GPC3: variants seen among roughly 807,000 people sequenced by gnomAD.
GPC3 encodes glypican-3.
In GPC3, 3 loss-of-function variants were observed where a neutral mutation model predicts 34.4. That is an observed-to-expected ratio of 0.09 (90% CI 0.04 to 0.23). The LOEUF (loss-of-function observed/expected upper bound fraction) is 0.23, where lower values mean the gene tolerates loss of function less well. Ranked by LOEUF, GPC3 falls within the 10% of genes least tolerant of loss-of-function variation. The probability of loss-of-function intolerance (pLI) is 1.00; values close to 1 mark genes in which losing one functional copy is unlikely to be tolerated. For synonymous variants in GPC3, 177 were observed against 174.0 expected (o/e 1.02, Z -0.13); for missense variants, 351 against 445.6 (o/e 0.79, Z 1.91).
intron 6 of GPC3, among the ~76,000 whole-genome samples, chrX:133,623,412 C>A (rs1187959007): frequency 1.8e-5 from 2 of 111,506 alleles, no homozygotes; most frequent in Non-Finnish European, 3.8e-5. Flanking sequence ...ATTCAGGAGA[C>A]CCATCTCACG....
intron 2 of GPC3, among the ~76,000 whole-genome samples, chrX:133,919,134 C>T (rs1007381250): frequency 9.0e-6 from 1 of 111,033 alleles, no homozygotes; most frequent in Non-Finnish European, 1.9e-5. Flanking sequence ...ACCCTTTTGC[C>T]TCCATTGCAC....
In GPC3 at chrX:133,764,982, C is replaced by T. The variant is rs192854809; in HGVS notation, c.338-10806G>A. Among the ~76,000 whole-genome samples, 98 of 111,819 alleles carry T rather than the reference C, an allele frequency of 8.8e-4. 1 individual carries two copies. The highest frequency in any genetic ancestry group is 1.6e-3 in the Non-Finnish European group (85 of 53,082). On this transcript the variant is annotated intron_variant, in intron 2 of 7. Coordinates refer to ENST00000370818, the MANE Select transcript of GPC3 (RefSeq NM_004484.4). Reference sequence around the variant, plus strand: ...CCTACGAAGAAGTATCAGGATCACACTCTTAGATTTTTTAGTTCATTCTTT... The same window carrying T: ...CCTACGAAGAAGTATCAGGATCACATTCTTAGATTTTTTAGTTCATTCTTT...
intron 5 of GPC3, among the ~76,000 whole-genome samples, chrX:133,688,659 T>C (rs2071032577): frequency 9.0e-6 from 1 of 111,445 alleles, no homozygotes; most frequent in Non-Finnish European, 1.9e-5. Context: ...TCAGGATCCT[T>C]GATTTTCATA....
rs754696957 is a variant in GPC3, at chrX:133,638,630, G to A, written c.1413+23100C>T. On this transcript the variant is annotated intron_variant, in intron 6 of 7. Transcript: ENST00000370818. ...ATATGAATGCCTTGCCTCAAATTTA[G>A]TTGTGGATCCCCAAAGAACAGATGC... is the stretch of plus-strand genomic sequence containing the variant. Among the ~76,000 whole-genome samples, 5 of 111,484 alleles carry A rather than the reference G, an allele frequency of 4.5e-5. No homozygotes were observed. In the East Asian group the frequency reaches 1.4e-3, roughly 31 times the overall value.
intron 2 of GPC3, among the ~76,000 whole-genome samples, chrX:133,895,553 A>T (rs911649990): frequency 9.0e-6 from 1 of 111,624 alleles, no homozygotes; most frequent in Non-Finnish European, 1.9e-5. Flanking sequence ...GGCTGGTAGC[A>T]GGGCCCTGAT....
At chrX:133,542,828 A>G (rs1043927748) in intron 7 of GPC3, among the ~76,000 whole-genome samples, 7 of 111,899 alleles carry the variant, frequency 6.3e-5, no homozygotes, top group Non-Finnish European at 1.1e-4. Context: ...CTGTTCCCAC[A>G]GGAGCCACTG....
At chrX:133,875,635 A>G (rs1262675271) in intron 2 of GPC3, among the ~76,000 whole-genome samples, 1 of 111,023 alleles carries the variant, frequency 9.0e-6, no homozygotes, top group Non-Finnish European at 1.9e-5. Context: ...CCTCCCCACC[A>G]TCCAGGCTCA....
intron 6 of GPC3, among the ~76,000 whole-genome samples, chrX:133,630,656 C>T (rs909639814): frequency 1.8e-5 from 2 of 111,374 alleles, no homozygotes; most frequent in African/African-American, 6.5e-5. Flanking sequence ...CCAGGCAGGC[C>T]GAATATTTGG....
At chrX:133,819,541 T>C (rs1399491118) in intron 2 of GPC3, among the ~76,000 whole-genome samples, 1 of 111,023 alleles carries the variant, frequency 9.0e-6, no homozygotes, top group Non-Finnish European at 1.9e-5. Context: ...GTATAATAGA[T>C]GACATTTGAG....
intron 2 of GPC3, among the ~76,000 whole-genome samples, chrX:133,828,745 G>T (rs1361879992): frequency 2.7e-5 from 3 of 110,478 alleles, no homozygotes; most frequent in Admixed American, 9.7e-5. Flanking sequence ...ATAGGAGAAA[G>T]AACTTTTTGA....
chrX:133,578,140 A>C (rs2069703688), intron 7 of GPC3, among the ~76,000 whole-genome samples: 1 of 111,812 alleles, frequency 8.9e-6, no homozygotes, highest in Admixed American at 9.5e-5. Flanking sequence ...CCCTATCATT[A>C]CCTCCTCCAT....
chrX:133,877,738 TA>T (rs747737428), intron 2 of GPC3, among the ~76,000 whole-genome samples: 5 of 112,026 alleles, frequency 4.5e-5, no homozygotes, highest in African/African-American at 1.6e-4. Flanking sequence ...TATACAGCCA[TA>T]AAAAAATAGG....
intron 5 of GPC3, among the ~76,000 whole-genome samples, chrX:133,690,745 C>T (rs2071053518): frequency 9.0e-6 from 1 of 111,603 alleles, no homozygotes; most frequent in Admixed American, 9.5e-5. Flanking sequence ...CCTGGAGGGG[C>T]TCTAATCCAA....
At chrX:133,932,754 A>G (rs2076303826) in intron 2 of GPC3, among the ~76,000 whole-genome samples, 1 of 111,140 alleles carries the variant, frequency 9.0e-6, no homozygotes, top group East Asian at 2.8e-4. Context: ...CTTCAGAAAA[A>G]AAGTCACATA....
chrX:133,562,690 T>A (rs999110298), intron 7 of GPC3, among the ~76,000 whole-genome samples: 74 of 111,531 alleles, frequency 6.6e-4, no homozygotes, highest in Non-Finnish European at 1.0e-3. Context: ...ATCTGCGATG[T>A]AGTTAATATA....
At chrX:133,797,528 G>T (rs1242174039) in intron 2 of GPC3, among the ~76,000 whole-genome samples, 1 of 111,275 alleles carries the variant, frequency 9.0e-6, no homozygotes, top group Non-Finnish European at 1.9e-5. Context: ...ATTAGGTTTT[G>T]TTTCTAAAGT....
intron 7 of GPC3, among the ~76,000 whole-genome samples, chrX:133,593,820 C>T (rs958743121): frequency 2.7e-5 from 3 of 111,003 alleles, no homozygotes; most frequent in African/African-American, 6.6e-5. Flanking sequence ...TTGGGCTGGG[C>T]GTAGTGACTC....
At chrX:133,541,679 A>AT (rs2069343874) in intron 7 of GPC3, among the ~76,000 whole-genome samples, 3 of 111,567 alleles carry the variant, frequency 2.7e-5, no homozygotes, top group Non-Finnish European at 5.6e-5. Context: ...TAAGGTCTGC[A>AT]TTTTTTTGTG....
At chrX:133,921,386 T>C (rs2076247038) in intron 2 of GPC3, among the ~76,000 whole-genome samples, 1 of 112,046 alleles carries the variant, frequency 8.9e-6, no homozygotes, top group Non-Finnish European at 1.9e-5. Context: ...GGAATAGAAC[T>C]TTGAGGTGGG....
Sources: gnomAD v4.1 joint callset for allele counts (sites outside exome capture counted in the v4.1 genomes callset) on GRCh38, gnomAD v4.1.1 for gene constraint, MANE v1.5 for transcripts, NCBI Gene and HGNC (gene_info 2026-07-23, HGNC 2026-07-21) for gene names.